The following SSH2 variants were observed in gnomAD, a reference collection of about 807,000 sequenced individuals.
SSH2 encodes the protein protein phosphatase Slingshot homolog 2.
A neutral mutation model predicts 135.2 loss-of-function variants in SSH2; 37 were observed. That is an observed-to-expected ratio of 0.27 (90% confidence interval 0.21 to 0.36). The LOEUF is 0.36. Among genes scored for constraint, SSH2 ranks in the 10% least tolerant of loss-of-function variants. The pLI is 1.00. For synonymous variants in SSH2, 628 were observed against 646.2 expected, an observed-to-expected ratio of 0.97 and a Z score of 0.43; for missense variants, 1,408 against 1,765.3, an observed-to-expected ratio of 0.80 and a Z score of 3.63.
chr17:29,854,972 G>A (rs1356874817), intron 1 of SSH2, among the ~76,000 whole-genome samples: 1 of 151,858 alleles, frequency 6.6e-6, no homozygotes, highest in African/African-American at 2.4e-5. Context: ...AACAAACAAC[G>A]AATAAATCCC....
chr17:29,913,065 C>T (rs1363871311), intron 1 of SSH2, among the ~76,000 whole-genome samples: 1 of 151,374 alleles, frequency 6.6e-6, no homozygotes, highest in South Asian at 2.1e-4. Flanking sequence ...GGCCTGTAAT[C>T]CCAGCACTTT....
rs34621507 is a variant in SSH2, at chr17:29,870,278, T to TAA, written c.64-21351_64-21350dup. Among the ~76,000 whole-genome samples, 11 of 144,280 alleles carry TAA rather than the reference T, an allele frequency of 7.6e-5. No individual in the cohort carries two copies. The South Asian group carries it at 1.7e-3, about 23-fold the overall frequency. 94.7% of individuals were successfully genotyped at this position (144,280 alleles called of 152,430 possible). A position where few individuals can be genotyped will look rare whatever the true frequency, so the allele number is the denominator to read the frequency against. ...GGAAATATTTCTAAAGCAGAATAGG[T>TAA]AAAAAAAAAAAAAGCAAAATATGCA... On this transcript the variant is annotated intron_variant, in intron 1 of 15. Transcript: ENST00000540801.
chr17:29,790,821 C>T (rs2042051928), intron 3 of SSH2, among the ~76,000 whole-genome samples: 3 of 150,736 alleles, frequency 2.0e-5, no homozygotes, highest in South Asian at 2.1e-4. Flanking sequence ...CTCTGCCTCC[C>T]GAGTTCCAGT....
chr17:29,928,676 A>C (rs1382457130), intron 1 of SSH2: 1 of 397,130 alleles, frequency 2.5e-6, no homozygotes, highest in Non-Finnish European at 4.4e-6. Flanking sequence ...ATTAAAGCTC[A>C]GAAAAGAAGA....
chr17:29,878,077 C>T (rs968438413), intron 1 of SSH2, among the ~76,000 whole-genome samples: 1 of 151,256 alleles, frequency 6.6e-6, no homozygotes, highest in African/African-American at 2.4e-5. Context: ...ACAGCAAGAC[C>T]CTGTCTCGAA....
intron 5 of SSH2, among the ~76,000 whole-genome samples, chr17:29,690,000 C>T (rs568029778): frequency 7.5e-5 from 9 of 119,990 alleles, no homozygotes; most frequent in South Asian, 2.6e-4. Context: ...GGTGACAAAG[C>T]GAGATCCATC....
chr17:29,901,080 G>A (rs961315186), intron 1 of SSH2, among the ~76,000 whole-genome samples: 1 of 152,058 alleles, frequency 6.6e-6, no homozygotes. Context: ...ATTGAACAAT[G>A]AGAACACATG....
At chr17:29,657,583 T>TG (rs2036842008) in intron 11 of SSH2, among the ~76,000 whole-genome samples, 1 of 142,446 alleles carries the variant, frequency 7.0e-6, no homozygotes, top group African/African-American at 2.6e-5. Flanking sequence ...TGTTTTTTTT[T>TG]TTTTTTTTTT....
intron 2 of SSH2, among the ~76,000 whole-genome samples, chr17:29,808,049 G>C (rs2042378104): frequency 6.6e-6 from 1 of 152,152 alleles, no homozygotes; most frequent in Non-Finnish European, 1.5e-5. Flanking sequence ...ACCATTTTCA[G>C]TGCCTTCAAA....
At chr17:29,901,249 G>A (rs937728857) in intron 1 of SSH2, among the ~76,000 whole-genome samples, 1 of 151,954 alleles carries the variant, frequency 6.6e-6, no homozygotes, top group African/African-American at 2.4e-5. Context: ...TGCACGTTGT[G>A]CACCTGTACC....
intron 3 of SSH2, among the ~76,000 whole-genome samples, chr17:29,758,268 T>C (rs1404465625): frequency 6.6e-6 from 1 of 152,172 alleles, no homozygotes; most frequent in Non-Finnish European, 1.5e-5. Flanking sequence ...AGGCAAAATA[T>C]CATTTTTATA....
chr17:29,663,122 C>T (rs1460966572), intron 11 of SSH2, among the ~76,000 whole-genome samples: 1 of 152,202 alleles, frequency 6.6e-6, no homozygotes, highest in Non-Finnish European at 1.5e-5. Flanking sequence ...ATTCTCTCTT[C>T]TCAATGCAGC....
chr17:29,743,565 A>T (rs945325846), intron 3 of SSH2, among the ~76,000 whole-genome samples: 1 of 152,254 alleles, frequency 6.6e-6, no homozygotes, highest in African/African-American at 2.4e-5. Flanking sequence ...GTAGACTACG[A>T]TAACTGGGAC....
intron 1 of SSH2, among the ~76,000 whole-genome samples, chr17:29,926,167 A>G (rs1350343064): frequency 6.6e-6 from 1 of 152,114 alleles, no homozygotes; most frequent in African/African-American, 2.4e-5. Flanking sequence ...CTGGGCTTCT[A>G]GAACAGCCTC....
chr17:29,824,282 A>C (rs2042705848), intron 2 of SSH2, among the ~76,000 whole-genome samples: 1 of 152,244 alleles, frequency 6.6e-6, no homozygotes, highest in Non-Finnish European at 1.5e-5. Flanking sequence ...ACTTTATCAA[A>C]GATGCAGTTT....
At chr17:29,687,363 T>C (rs2038268590) in intron 5 of SSH2, among the ~76,000 whole-genome samples, 1 of 152,240 alleles carries the variant, frequency 6.6e-6, no homozygotes, top group African/African-American at 2.4e-5. Context: ...ATAACAAGAA[T>C]GTAATGCTTA....
intron 2 of SSH2, among the ~76,000 whole-genome samples, chr17:29,841,892 A>AT (rs770836134): frequency 0.095 from 9,482 of 99,658 alleles, 865 homozygotes; most frequent in African/African-American, 0.2. Flanking sequence ...CCCTTGGCTA[A>AT]TTTTTTTTTT....
At chr17:29,857,501 G>GC (rs2065683867) in intron 1 of SSH2, among the ~76,000 whole-genome samples, 1 of 152,026 alleles carries the variant, frequency 6.6e-6, no homozygotes, top group Non-Finnish European at 1.5e-5. Flanking sequence ...CATCTTAACT[G>GC]ATTTTTTTGA....
At chr17:29,852,843 C>A (rs2065589416) in intron 1 of SSH2, among the ~76,000 whole-genome samples, 1 of 151,868 alleles carries the variant, frequency 6.6e-6, no homozygotes, top group Admixed American at 6.6e-5. Context: ...AGCCACCATG[C>A]CCAGCCAAGA....
Sources: allele counts gnomAD v4.1 joint callset (sites outside exome capture counted in the v4.1 genomes callset), GRCh38; gene constraint gnomAD v4.1.1; transcripts MANE v1.5; gene names NCBI Gene and HGNC (gene_info 2026-07-23, HGNC 2026-07-21).